Variants in MYOF observed in about 807,000 individuals in gnomAD.
MYOF encodes the protein myoferlin.
A neutral mutation model predicts 284.2 loss-of-function variants in MYOF; 244 were observed. The observed-to-expected ratio is 0.86, with a 90% confidence interval of 0.77 to 0.95. The LOEUF (loss-of-function observed/expected upper bound fraction) is 0.95. Among genes scored for constraint, MYOF ranks in the 40% least tolerant of loss-of-function variants. The probability of loss-of-function intolerance (pLI) is 0.00; values close to 1 mark genes in which losing one functional copy is unlikely to be tolerated. For synonymous variants in MYOF, 904 were observed against 919.7 expected, an observed-to-expected ratio of 0.98 and a Z score of 0.31; for missense variants, 2,496 against 2,560.6, an observed-to-expected ratio of 0.97 and a Z score of 0.54.
intron 24 of MYOF, among the ~76,000 whole-genome samples, chr10:93,372,110 C>T (rs376481129): frequency 1.3e-5 from 2 of 152,144 alleles, no homozygotes; most frequent in Admixed American, 1.3e-4. Flanking sequence ...AGCAGAATCT[C>T]CTTGTTTGAA....
intron 36 of MYOF, 75 bp from the exon 37 acceptor site, chr10:93,347,857 C>G: frequency 6.9e-7 from 1 of 1,448,128 alleles, no homozygotes; most frequent in Non-Finnish European, 9.5e-7. Flanking sequence ...CCCAGATGGA[C>G]CAGTCCAGAT....
At chr10:93,423,249 G>A (rs1356720512) in intron 5 of MYOF, among the ~76,000 whole-genome samples, 1 of 151,844 alleles carries the variant, frequency 6.6e-6, no homozygotes, top group South Asian at 2.1e-4. Flanking sequence ...GAGAGGGGTC[G>A]GGTGCAGTGA....
chr10:93,335,233 G>C (rs994432537), intron 41 of MYOF, among the ~76,000 whole-genome samples: 1 of 152,140 alleles, frequency 6.6e-6, no homozygotes, highest in Non-Finnish European at 1.5e-5. Flanking sequence ...CCAAGCCTCC[G>C]ACTTATTGAG....
At chr10:93,466,984 AC>A (rs2057023858) in intron 1 of MYOF, among the ~76,000 whole-genome samples, 1 of 146,804 alleles carries the variant, frequency 6.8e-6, no homozygotes, top group African/African-American at 2.7e-5. Context: ...TCTCAAACAA[AC>A]AAGCAAACAA....
At position 93,363,971 on chromosome 10, in the gene MYOF, TA is replaced by T; in HGVS notation, c.2857del (p.Tyr953ThrfsTer15). 6.2e-7 allele frequency: 1 copy of T among 1,614,156 alleles called. No individual in the cohort carries two copies. The highest frequency in any genetic ancestry group is 8.5e-7 in the Non-Finnish European group (1 of 1,179,996). ...GAGCAGGCCACTCACCGCATCCGTG[TA>T]GGTGTCCTCGGCCGGCTTCCAGTCG... ...GGDWKPAEDT[Y>X]TDANGDKAAS... On this transcript the variant is annotated frameshift_variant, in exon 27 of 54. Transcript: ENST00000359263. LOFTEE classifies it high-confidence loss of function.
At chr10:93,440,230 G>A (rs2056202120) in intron 3 of MYOF, among the ~76,000 whole-genome samples, 1 of 152,074 alleles carries the variant, frequency 6.6e-6, no homozygotes, top group African/African-American at 2.4e-5. Flanking sequence ...TGGCCAATAT[G>A]GTGAAACCCC....
chr10:93,323,466 C>CTAATTTA, intron 46 of MYOF, 108 bp from the exon 47 acceptor site: 3 of 954,392 alleles, frequency 3.1e-6, no homozygotes, highest in Non-Finnish European at 4.6e-6. Context: ...TTTGGTCTCT[C>CTAATTTA]TAATTTATTA....
chr10:93,378,216 T>G (rs1478938865), intron 21 of MYOF, among the ~76,000 whole-genome samples: 2 of 152,164 alleles, frequency 1.3e-5, no homozygotes, highest in African/African-American at 4.8e-5. Context: ...CTACCATGAC[T>G]GTCAAAAGTC....
intron 24 of MYOF, among the ~76,000 whole-genome samples, chr10:93,372,171 T>C (rs1311249477): frequency 6.6e-6 from 1 of 152,244 alleles, no homozygotes; most frequent in African/African-American, 2.4e-5. Flanking sequence ...GTTATTTCTC[T>C]GTCCCAAATG....
chr10:93,450,319 G>T (rs1289090158), intron 3 of MYOF, among the ~76,000 whole-genome samples: 2 of 152,222 alleles, frequency 1.3e-5, no homozygotes, highest in African/African-American at 4.8e-5. Context: ...TCGAACCTAG[G>T]AGTCTGAGGT....
At chr10:93,453,920 T>C (rs2985078) in intron 2 of MYOF, among the ~76,000 whole-genome samples, 144,989 of 152,022 alleles carry the variant, frequency 0.95, 69,497 homozygotes, top group East Asian at 1. Context: ...CAGTGGCTCA[T>C]GCCTGTAATC....
chr10:93,442,486 C>T (rs564768087), intron 3 of MYOF, among the ~76,000 whole-genome samples: 6 of 152,238 alleles, frequency 3.9e-5, no homozygotes, highest in East Asian at 3.9e-4. Context: ...GTACAGCTGG[C>T]CACATGCCCA....
At chr10:93,331,106 T>C (rs75145394) in intron 43 of MYOF, among the ~76,000 whole-genome samples, 1 of 152,328 alleles carries the variant, frequency 6.6e-6, no homozygotes, top group African/African-American at 2.4e-5. Flanking sequence ...TATTTTTTTT[T>C]CTTGGAACAT....
chr10:93,359,815 T>C lies in MYOF; in HGVS notation c.3120+18A>G. ...GGCAGAGCTCCCCAGTCCAGCTCCC[T>C]TCCCTTGCTTCTCTTACCCTTGCGG... On this transcript the variant is annotated intron_variant, in intron 29 of 53. Transcript: ENST00000359263. 2 of 1,613,920 alleles carry C rather than the reference T, an allele frequency of 1.2e-6. No individual in the cohort carries two copies. The highest frequency in any genetic ancestry group is 2.7e-5 in the African/African-American group (2 of 75,068).
In MYOF at chr10:93,351,205, C is replaced by T; in HGVS notation, c.3913G>A (p.Ala1305Thr). 1 of 1,614,128 alleles carries T rather than the reference C, an allele frequency of 6.2e-7. No individual in the cohort carries two copies. Among genetic ancestry groups the T allele is most frequent in the Non-Finnish European group, 8.5e-7 (1 of 1,180,000 alleles). ...QGIRPVVQLT[A>T]IEILAWGLRN... ...CGTGGGGAGCAGCATACCTCAATGGCAGTGAGCTGGACCACAGGCCTGATC... is the reference window on the plus strand; with the variant it reads ...CGTGGGGAGCAGCATACCTCAATGGTAGTGAGCTGGACCACAGGCCTGATC... Residue 1305 changes from alanine (A) to threonine (T), a missense_variant, in exon 35 of 54, where the codon GCC becomes ACC. Transcript: ENST00000359263.
intron 14 of MYOF, 23 bp from the exon 15 acceptor site, chr10:93,397,313 A>C (rs970721438): frequency 6.3e-6 from 10 of 1,598,860 alleles, no homozygotes; most frequent in Non-Finnish European, 8.6e-6. Flanking sequence ...GACAGAAAAA[A>C]GTAGTTATTT....
At chr10:93,341,187 C>T (rs947684842) in intron 38 of MYOF, among the ~76,000 whole-genome samples, 7 of 152,102 alleles carry the variant, frequency 4.6e-5, no homozygotes, top group African/African-American at 1.7e-4. Flanking sequence ...AGTACTCTTA[C>T]ATTCTCAATG....
In MYOF at chr10:93,375,037, G is replaced by T. The variant is rs574880103; in HGVS notation, c.2109-82C>A. On this transcript the variant is annotated intron_variant, in intron 22 of 53. Coordinates refer to ENST00000359263, the MANE Select transcript of MYOF (RefSeq NM_013451.4). ...CTTCAGAACTGTCAAATACATTTAT[G>T]TTGGATTTCCATCTTGCAAACCACA... 3.0e-6 allele frequency: 4 copies of T among 1,342,030 alleles called. No individual in the cohort carries two copies. The South Asian group carries it at 4.4e-5, about 15-fold the overall frequency. 83.1% of individuals were successfully genotyped at this position (1,342,030 alleles called of 1,614,324 possible). A position where few individuals can be genotyped will look rare whatever the true frequency, so the allele number is the denominator to read the frequency against.
chr10:93,456,831 A>G, intron 2 of MYOF, 51 bp downstream of exon 2: 4 of 1,372,632 alleles, frequency 2.9e-6, no homozygotes, highest in Non-Finnish European at 4.1e-6. Flanking sequence ...AGATAGGACA[A>G]TCAGAAATAG....
Sources: allele counts gnomAD v4.1 joint callset (sites outside exome capture counted in the v4.1 genomes callset), GRCh38; gene constraint gnomAD v4.1.1; transcripts MANE v1.5; gene names NCBI Gene and HGNC (gene_info 2026-07-23, HGNC 2026-07-21).